The following SPTAN1 variants were observed in gnomAD, a reference collection of about 807,000 sequenced individuals.
The protein encoded by SPTAN1 is spectrin alpha chain, non-erythrocytic 1.
A neutral mutation model predicts 331.3 loss-of-function variants in SPTAN1; 61 were observed. The ratio of observed to expected loss-of-function variants is 0.18; its 90% confidence interval spans 0.15 to 0.23. SPTAN1 has a LOEUF of 0.23. SPTAN1 is among the 10% of genes least tolerant of loss of function. The probability of loss-of-function intolerance (pLI) is 1.00; values close to 1 mark genes in which losing one functional copy is unlikely to be tolerated. For missense variants in SPTAN1, 2,043 were observed against 3,147.9 expected (o/e 0.65, Z 8.40); for synonymous variants, 1,153 against 1,173.9 (o/e 0.98, Z 0.36).
chr9:128,564,133 A>G (rs892200750), intron 1 of SPTAN1, among the ~76,000 whole-genome samples: 4 of 152,126 alleles, frequency 2.6e-5, no homozygotes, highest in Non-Finnish European at 4.4e-5. Flanking sequence ...AAAATTAGCC[A>G]GTCATGGCTG....
At chr9:128,566,373 A>G (rs1483338488) in intron 1 of SPTAN1, among the ~76,000 whole-genome samples, 1 of 152,130 alleles carries the variant, frequency 6.6e-6, no homozygotes, top group African/African-American at 2.4e-5. Flanking sequence ...GGACTTCTGA[A>G]TGGACTTAGC....
intron 15 of SPTAN1, 136 bp from the exon 16 acceptor site, chr9:128,583,648 TTTTC>T (rs1459318682): frequency 1.1e-6 from 1 of 938,434 alleles, no homozygotes; most frequent in African/African-American, 1.6e-5. Context: ...GCAATTGATA[TTTTC>T]TTTCTCTTTG....
chr9:128,612,924 CA>C (rs533329807), intron 39 of SPTAN1, among the ~76,000 whole-genome samples: 20 of 141,676 alleles, frequency 1.4e-4, no homozygotes, highest in African/African-American at 2.1e-4. Context: ...GACTTCATCT[CA>C]AAAAAAAAAA....
At chr9:128,561,642 A>G (rs1282962847) in intron 1 of SPTAN1, among the ~76,000 whole-genome samples, 25 of 111,790 alleles carry the variant, frequency 2.2e-4, no homozygotes, top group African/African-American at 6.9e-4. Context: ...CAGCCTGGGC[A>G]ACAGAGCGAG....
intron 45 of SPTAN1, among the ~76,000 whole-genome samples, chr9:128,622,787 C>T (rs1367759156): frequency 6.6e-6 from 1 of 151,612 alleles, no homozygotes; most frequent in Non-Finnish European, 1.5e-5. Flanking sequence ...GAGTCTCACT[C>T]TGTGGCCCAG....
rs1851548868 is a variant in SPTAN1, at chr9:128,578,389, G to A, written c.1221+144G>A. On this transcript the variant is annotated intron_variant, in intron 9 of 56. Coordinates refer to ENST00000372739, the MANE Select transcript of SPTAN1 (RefSeq NM_001130438.3). ...CATCATGAGGATTATGGTTGGTTTTGCCTTTGGAGACCTGGTCTACCTGCT... is the reference window on the plus strand; with the variant it reads ...CATCATGAGGATTATGGTTGGTTTTACCTTTGGAGACCTGGTCTACCTGCT... 2.6e-6 allele frequency: 3 copies of A among 1,145,196 alleles called. No homozygotes were observed. In the Admixed American group the frequency reaches 6.0e-5, roughly 23 times the overall value. 70.9% of individuals were successfully genotyped at this position (1,145,196 alleles called of 1,614,324 possible). A position where few individuals can be genotyped will look rare whatever the true frequency, so the allele number is the denominator to read the frequency against.
rs1314493687 is a variant in SPTAN1 at position 128,582,797 on chromosome 9, T to C, written c.1754T>C (p.Leu585Pro). ...CAGTTTTTCCGTGATTCTGATGAGC[T>C]CAAGAGTTGGGTCAATGAGAAGATG... ...LQQFFRDSDELKSWVNEKMKT... is the reference protein window; with the variant it reads ...LQQFFRDSDEPKSWVNEKMKT... Residue 585 changes from leucine (L) to proline (P), a missense_variant, in exon 14 of 57, where the codon CTC becomes CCC. This residue lies in a region of SPTAN1 where 1,038 missense variants were observed against 1,531.5 expected (regional missense o/e 0.68). Coordinates refer to ENST00000372739, the MANE Select transcript of SPTAN1 (RefSeq NM_001130438.3). 6.2e-7 allele frequency: 1 copy of C among 1,613,836 alleles called. No individual in the cohort carries two copies. Among genetic ancestry groups the C allele is most frequent in the African/African-American group, 1.3e-5 (1 of 74,910 alleles).
At chr9:128,561,825 A>T (rs1006623767) in intron 1 of SPTAN1, among the ~76,000 whole-genome samples, 16 of 152,020 alleles carry the variant, frequency 1.1e-4, no homozygotes, top group African/African-American at 3.6e-4. Flanking sequence ...CAACTACTTA[A>T]TTATAAAACG....
At chr9:128,580,322 T>C (rs961350991) in intron 10 of SPTAN1, among the ~76,000 whole-genome samples, 1 of 150,734 alleles carries the variant, frequency 6.6e-6, no homozygotes, top group African/African-American at 2.4e-5. Flanking sequence ...TGTATATATA[T>C]ACATATTTTA....
intron 31 of SPTAN1, among the ~76,000 whole-genome samples, chr9:128,606,457 A>G (rs1855882168): frequency 1.4e-5 from 2 of 144,802 alleles, no homozygotes; most frequent in South Asian, 4.4e-4. Context: ...ATATGACATT[A>G]TATTTTTCCC....
rs59518899 is a variant in SPTAN1 at position 128,556,039 on chromosome 9, G to C, written c.-4+3343G>C. Among the ~76,000 whole-genome samples, 870 of 152,140 alleles carry C rather than the reference G, an allele frequency of 5.7e-3. 8 individuals carry two copies. The highest frequency in any genetic ancestry group is 0.02 in the African/African-American group (820 of 41,498). On this transcript the variant is annotated intron_variant, in intron 1 of 56. Coordinates refer to ENST00000372739, the MANE Select transcript of SPTAN1 (RefSeq NM_001130438.3). ...GTTCAAGACCAGCCTGGCCAACATAGTGAAACCCCATCTCTACTAAAAATA... is the reference window on the plus strand; with the variant it reads ...GTTCAAGACCAGCCTGGCCAACATACTGAAACCCCATCTCTACTAAAAATA...
chr9:128,598,701 AGG>A lies in SPTAN1; in HGVS notation c.3519+202_3519+203del. 6 of 670,846 alleles carry A rather than the reference AGG, an allele frequency of 8.9e-6. No homozygotes were observed. In the South Asian group the frequency reaches 1.0e-4, roughly 12 times the overall value. 41.6% of individuals were successfully genotyped at this position (670,846 alleles called of 1,614,324 possible). A position where few individuals can be genotyped will look rare whatever the true frequency, so the allele number is the denominator to read the frequency against. Reference sequence around the variant, plus strand: ...TATCCCTCACTTTCACTTGGTTTGGAGGGGGGTGGGGGCTTCTGTCTTCTCCG... The same window carrying A: ...TATCCCTCACTTTCACTTGGTTTGGAGGGGTGGGGGCTTCTGTCTTCTCCG... On this transcript the variant is annotated intron_variant, in intron 25 of 56. Coordinates refer to ENST00000372739, the MANE Select transcript of SPTAN1 (RefSeq NM_001130438.3).
At chr9:128,621,085 T>A (rs1372580070) in intron 44 of SPTAN1, 73 bp from the exon 45 acceptor site, 2 of 1,356,816 alleles carry the variant, frequency 1.5e-6, no homozygotes, top group Non-Finnish European at 2.1e-6. Flanking sequence ...GTTTTGTCAC[T>A]CTCTGTCCCC....
chr9:128,620,285 A>T (rs553140191), intron 44 of SPTAN1, among the ~76,000 whole-genome samples: 23 of 152,314 alleles, frequency 1.5e-4, no homozygotes, highest in African/African-American at 5.3e-4. Flanking sequence ...CACCTTCCTC[A>T]CCATGGGAAG....
chr9:128,620,530 A>C (rs1857711369), intron 44 of SPTAN1, among the ~76,000 whole-genome samples: 1 of 152,194 alleles, frequency 6.6e-6, no homozygotes. Flanking sequence ...CAACCTGGCC[A>C]ACATGGTGAA....
intron 1 of SPTAN1, chr9:128,555,340 C>T (rs1256206882): frequency 1.6e-6 from 2 of 1,288,652 alleles, no homozygotes; most frequent in African/African-American, 1.5e-5. Flanking sequence ...CTTCCCCCTC[C>T]CTCTTTAGAC....
At chr9:128,572,307 C>G (rs995485516) in intron 3 of SPTAN1, among the ~76,000 whole-genome samples, 3 of 150,676 alleles carry the variant, frequency 2.0e-5, no homozygotes, top group African/African-American at 7.4e-5. Flanking sequence ...TTGTCCACCC[C>G]GTCAGCTTTC....
At position 128,625,426 on chromosome 9, in the gene SPTAN1, G is replaced by A. The variant is rs2131944695; in HGVS notation, c.6069+247G>A. ...TGCAGGAGCACTCACTCAGTTTTCA[G>A]CAGGCGAGGGTTGAAGGGGCAAGTT... On this transcript the variant is annotated intron_variant, in intron 47 of 56. Transcript: ENST00000372739. This position sits in a 1 kb window ranked among gnomAD's most constrained non-coding sequence, Gnocchi z 4.1. Among the ~76,000 whole-genome samples, 1 of 152,296 alleles carries A rather than the reference G, an allele frequency of 6.6e-6. No individual in the cohort carries two copies. The highest frequency in any genetic ancestry group is 2.1e-4 in the South Asian group (1 of 4,820).
In SPTAN1 at chr9:128,632,218, A is replaced by G. The variant is rs1441152520; in HGVS notation, c.6854A>G (p.Asn2285Ser). 2 of 1,613,472 alleles carry G rather than the reference A, an allele frequency of 1.2e-6. No homozygotes were observed. Among genetic ancestry groups the G allele is most frequent in the Non-Finnish European group, 1.7e-6 (2 of 1,180,014 alleles). The change falls in exon 53 of 57, where the codon AAC (asparagine) becomes AGC (serine). Residue 2285 changes from asparagine (N) to serine (S), a missense_variant. Physicochemically the swap from Asn to Ser is conservative, Grantham distance 46 (BLOSUM62 1). Around this residue, in one of 12 missense-constraint regions of SPTAN1, gnomAD observed 256 missense variants for 376.4 expected, o/e 0.68. Coordinates refer to ENST00000372739, the MANE Select transcript of SPTAN1 (RefSeq NM_001130438.3). ...ATGGAGGAGGCCCTCATCCTGGACA[A>G]CAAGTACACGGAGCACAGCACCGTG... ...AAMEEALILDNKYTEHSTVGL... is the reference protein window; with the variant it reads ...AAMEEALILDSKYTEHSTVGL...
Sources: allele counts gnomAD v4.1 joint callset (sites outside exome capture counted in the v4.1 genomes callset), GRCh38; gene constraint gnomAD v4.1.1; regional missense constraint gnomAD v4.1.1; non-coding constraint Gnocchi (gnomAD v3.1); transcripts MANE v1.5; gene names NCBI Gene and HGNC (gene_info 2026-07-23, HGNC 2026-07-21).